SP4: variants seen among roughly 807,000 people sequenced by gnomAD.
SP4 encodes transcription factor Sp4.
Under a neutral mutation model 72.8 loss-of-function variants are expected in SP4, and 19 were observed. The ratio of observed to expected loss-of-function variants is 0.26; its 90% confidence interval spans 0.18 to 0.38. The LOEUF is 0.38. SP4 is among the 10% of genes least tolerant of loss of function. The pLI is 1.00. For missense variants in SP4, 1,008 were observed against 926.3 expected, an observed-to-expected ratio of 1.09 and a Z score of -1.14; for synonymous variants, 395 against 333.1, an observed-to-expected ratio of 1.19 and a Z score of -2.02.
chr7:21,438,754 A>G (rs1218897164), intron 3 of SP4, among the ~76,000 whole-genome samples: 1 of 152,172 alleles, frequency 6.6e-6, no homozygotes, highest in Non-Finnish European at 1.5e-5. Flanking sequence ...AGTGTGGTGA[A>G]ATCTCAGTCT....
intron 5 of SP4, among the ~76,000 whole-genome samples, chr7:21,505,486 G>A (rs924940600): frequency 1.3e-5 from 2 of 152,192 alleles, no homozygotes; most frequent in Non-Finnish European, 2.9e-5. Context: ...GACCAAATAC[G>A]TTTGGGGCTT....
intron 3 of SP4, among the ~76,000 whole-genome samples, chr7:21,446,986 T>C (rs1317369768): frequency 6.6e-6 from 1 of 152,206 alleles, no homozygotes; most frequent in Non-Finnish European, 1.5e-5. Context: ...ATATGGTTCA[T>C]TCACTAGCGC....
At chr7:21,453,494 G>A (rs1332631663) in intron 3 of SP4, among the ~76,000 whole-genome samples, 1 of 152,180 alleles carries the variant, frequency 6.6e-6, no homozygotes, top group Non-Finnish European at 1.5e-5. Context: ...TACTGATAAT[G>A]TATGCCTAGT....
At chr7:21,462,027 G>GTTTT (rs773196151) in intron 3 of SP4, among the ~76,000 whole-genome samples, 6 of 132,816 alleles carry the variant, frequency 4.5e-5, no homozygotes, top group Non-Finnish European at 4.8e-5. Flanking sequence ...TTTAGTTTTA[G>GTTTT]TTTTTTTTTT....
chr7:21,511,271 A>C lies in SP4; in HGVS notation c.*2A>C, dbSNP rs967364121. On this transcript the variant is annotated 3_prime_UTR_variant, in exon 6 of 6. Coordinates refer to ENST00000222584, the MANE Select transcript of SP4 (RefSeq NM_003112.5). ...TCAACCAACATGGAAGAATTCTGAA[A>C]AGTTATTTATAACAGAGACCTCTAG... The C allele has an allele frequency of 1.9e-6, 3 of 1,613,494 alleles. No homozygotes were observed. The highest frequency in any genetic ancestry group is 1.1e-5 in the South Asian group (1 of 91,050).
At chr7:21,475,482 T>G (rs1397217034) in intron 3 of SP4, among the ~76,000 whole-genome samples, 1 of 151,958 alleles carries the variant, frequency 6.6e-6, no homozygotes, top group Non-Finnish European at 1.5e-5. Context: ...TTTATTGTTA[T>G]TTTGAGACAG....
At chr7:21,468,830 G>A (rs1323473622) in intron 3 of SP4, among the ~76,000 whole-genome samples, 1 of 152,070 alleles carries the variant, frequency 6.6e-6, no homozygotes, top group African/African-American at 2.4e-5. Context: ...AAACTACAGT[G>A]AGATATCCAA....
intron 5 of SP4, among the ~76,000 whole-genome samples, chr7:21,496,588 C>G (rs1023580302): frequency 6.6e-6 from 1 of 152,160 alleles, no homozygotes; most frequent in Non-Finnish European, 1.5e-5. Flanking sequence ...TGTCTTTCAG[C>G]AGTTTGATTA....
intron 5 of SP4, among the ~76,000 whole-genome samples, chr7:21,494,898 G>A (rs1785069212): frequency 6.6e-6 from 1 of 152,138 alleles, no homozygotes; most frequent in South Asian, 2.1e-4. Flanking sequence ...AATCAACACT[G>A]TGTAGTTTTG....
intron 5 of SP4, among the ~76,000 whole-genome samples, chr7:21,492,747 T>A (rs3890575): frequency 8.5e-5 from 13 of 152,214 alleles, no homozygotes; most frequent in Non-Finnish European, 1.5e-4. Context: ...TGACATTTTT[T>A]AAAAAGGATC....
intron 5 of SP4, among the ~76,000 whole-genome samples, chr7:21,489,683 C>T (rs28488644): frequency 0.38 from 56,786 of 150,604 alleles, 10,864 homozygotes; most frequent in African/African-American, 0.43. Flanking sequence ...CCTCAGCCTC[C>T]CGAGTAGCTG....
intron 3 of SP4, among the ~76,000 whole-genome samples, chr7:21,469,601 G>A (rs947664251): frequency 6.8e-6 from 1 of 147,572 alleles, no homozygotes; most frequent in East Asian, 2.0e-4. Flanking sequence ...GAGTGCAGTG[G>A]TGAGATCTCC....
At chr7:21,468,527 T>A (rs1784236802) in intron 3 of SP4, among the ~76,000 whole-genome samples, 1 of 152,014 alleles carries the variant, frequency 6.6e-6, no homozygotes, top group African/African-American at 2.4e-5. Context: ...AATTTTTTTT[T>A]TTTCTTTTTC....
intron 3 of SP4, among the ~76,000 whole-genome samples, 169 bp from the exon 4 acceptor site, chr7:21,476,910 G>C (rs1406986198): frequency 2.0e-5 from 3 of 152,048 alleles, no homozygotes; most frequent in Non-Finnish European, 2.9e-5. Flanking sequence ...ACTAAAGTAA[G>C]AATACTATAT....
At chr7:21,489,649 T>A (rs929930403) in intron 5 of SP4, among the ~76,000 whole-genome samples, 1 of 145,372 alleles carries the variant, frequency 6.9e-6, no homozygotes, top group Non-Finnish European at 1.5e-5. Flanking sequence ...AAGCTCCGCC[T>A]CCTGGGTTCA....
rs1392418287 is a variant in SP4, at chr7:21,429,702, T to G, written c.537T>G (p.Ile179Met). 1.2e-6 allele frequency: 2 copies of G among 1,613,962 alleles called. No homozygotes were observed. The highest frequency in any genetic ancestry group is 1.7e-6 in the Non-Finnish European group (2 of 1,180,032). Residue 179 changes from isoleucine (I) to methionine (M), a missense_variant, in exon 3 of 6, where the codon ATT (isoleucine) becomes ATG (methionine). Around this residue, in one of 3 missense-constraint regions of SP4, gnomAD observed 893 missense variants for 743.3 expected, o/e 1.20. Coordinates refer to ENST00000222584, the MANE Select transcript of SP4 (RefSeq NM_003112.5). The stretch of plus-strand genomic sequence containing the variant: ...TTCAGACAGTGGAAGGTCAACAAAT[T>G]CAAATCAATCCAACTAGTAGTTCAT... ...PQLQTVEGQQ[I>M]QINPTSSSSL...
In SP4 at chr7:21,511,206, A is replaced by C; in HGVS notation, c.2292A>C (p.Ala764=). The C allele has an allele frequency of 6.2e-7, 1 of 1,614,128 alleles. No homozygotes were observed. Among genetic ancestry groups the C allele is most frequent in the Non-Finnish European group, 8.5e-7 (1 of 1,179,948 alleles). ...VLGSPRIVTV[A]AISQDSNPAT... is the part of the protein sequence containing the mutation. ...GCTCCCCAAGAATTGTCACAGTTGC[A>C]GCCATTTCTCAAGATTCGAATCCAG... Residue 764 remains alanine, a synonymous_variant, in exon 6 of 6, where the codon GCA becomes GCC. Transcript: ENST00000222584.
chr7:21,429,007 A>T, intron 2 of SP4: 8 of 584,060 alleles, frequency 1.4e-5, no homozygotes, highest in Non-Finnish European at 6.1e-6. Flanking sequence ...ACTATAAGAA[A>T]ACGGTGTGTG....
intron 4 of SP4, among the ~76,000 whole-genome samples, chr7:21,481,543 C>T (rs75384890): frequency 0.025 from 3,856 of 152,222 alleles, 93 homozygotes; most frequent in East Asian, 0.079. Flanking sequence ...CCTCACACTG[C>T]CCTGCTAGAA....
Sources: gnomAD v4.1 joint callset for allele counts (sites outside exome capture counted in the v4.1 genomes callset) on GRCh38, gnomAD v4.1.1 for gene constraint, gnomAD v4.1.1 regional missense constraint, MANE v1.5 for transcripts, NCBI Gene and HGNC (gene_info 2026-07-23, HGNC 2026-07-21) for gene names.